CFDP1: variants seen among roughly 807,000 people sequenced by gnomAD.
The protein encoded by CFDP1 is heterochromatin-stabilizing protein CFDP1.
A neutral mutation model predicts 40.1 loss-of-function variants in CFDP1; 31 were observed. That is an observed-to-expected ratio of 0.77 (90% CI 0.58 to 1.04). CFDP1 has a LOEUF of 1.04. Ranked by LOEUF, CFDP1 falls within the 50% of genes least tolerant of loss-of-function variation. The probability of loss-of-function intolerance (pLI) is 0.00; values close to 1 mark genes in which losing one functional copy is unlikely to be tolerated. For missense variants in CFDP1, 423 were observed against 343.4 expected (o/e 1.23, Z -1.83); for synonymous variants, 167 against 120.0 (o/e 1.39, Z -2.56).
intron 4 of CFDP1, among the ~76,000 whole-genome samples, chr16:75,410,882 C>T (rs34898361): frequency 0.53 from 73,052 of 139,062 alleles, 19,825 homozygotes; most frequent in Admixed American, 0.65. Flanking sequence ...GCACTCCAGC[C>T]TGGGCGACAG....
chr16:75,385,665 C>T (rs2078891114), intron 5 of CFDP1, among the ~76,000 whole-genome samples: 1 of 152,170 alleles, frequency 6.6e-6, no homozygotes, highest in Non-Finnish European at 1.5e-5. Flanking sequence ...CTTAAGAATG[C>T]TGCTTAATGC....
chr16:75,353,748 C>CAA (rs3975152), intron 5 of CFDP1, among the ~76,000 whole-genome samples: 4 of 72,338 alleles, frequency 5.5e-5, no homozygotes, highest in East Asian at 1.1e-3. Flanking sequence ...AAGTCCGTCT[C>CAA]AAAAAAAAAA....
intron 5 of CFDP1, among the ~76,000 whole-genome samples, chr16:75,384,544 A>C (rs886940107): frequency 7.9e-5 from 12 of 152,194 alleles, no homozygotes; most frequent in African/African-American, 2.9e-4. Flanking sequence ...ATTTAGCAGC[A>C]GCTATTAGAA....
chr16:75,399,626 G>A (rs1192064480), intron 4 of CFDP1, among the ~76,000 whole-genome samples: 1 of 152,048 alleles, frequency 6.6e-6, no homozygotes, highest in Admixed American at 6.5e-5. Context: ...TGGTCCTCCT[G>A]CCTTGGCCTC....
chr16:75,381,360 G>T (rs1487434432), intron 5 of CFDP1: 1 of 152,062 alleles, frequency 6.6e-6, no homozygotes, highest in Non-Finnish European at 1.5e-5. Context: ...CAGAAAAAAG[G>T]CAATGAGAGT....
At chr16:75,310,730 G>C (rs1174341242) in intron 5 of CFDP1, among the ~76,000 whole-genome samples, 1 of 152,146 alleles carries the variant, frequency 6.6e-6, no homozygotes, top group African/African-American at 2.4e-5. Context: ...CCTGCTGTTT[G>C]TTTAAAAGAG....
intron 4 of CFDP1, among the ~76,000 whole-genome samples, chr16:75,407,446 G>A (rs2079110431): frequency 6.6e-6 from 1 of 152,030 alleles, no homozygotes; most frequent in Admixed American, 6.5e-5. Context: ...GTGGGCCAAG[G>A]CAGCAGGATC....
intron 4 of CFDP1, among the ~76,000 whole-genome samples, chr16:75,405,134 T>C (rs1223757711): frequency 6.6e-6 from 1 of 152,150 alleles, no homozygotes; most frequent in African/African-American, 2.4e-5. Context: ...AAACAGAGTA[T>C]AAATTCAGTT....
chr16:75,311,560 A>G (rs183488193), intron 5 of CFDP1, among the ~76,000 whole-genome samples: 29 of 152,346 alleles, frequency 1.9e-4, no homozygotes, highest in Admixed American at 1.9e-3. Context: ...AAAGTGGACC[A>G]GCAAGGATAG....
At chr16:75,373,992 C>G (rs868612892) in intron 5 of CFDP1, among the ~76,000 whole-genome samples, 2 of 152,096 alleles carry the variant, frequency 1.3e-5, no homozygotes, top group African/African-American at 4.8e-5. Flanking sequence ...GTGGCTCACA[C>G]CTGTAATCCC....
chr16:75,302,248 CT>C (rs1020185647), intron 6 of CFDP1, among the ~76,000 whole-genome samples: 4 of 151,526 alleles, frequency 2.6e-5, no homozygotes, highest in African/African-American at 7.3e-5. Flanking sequence ...CCATTCCTTA[CT>C]TTTTTTTTAA....
chr16:75,304,878 G>C (rs1046262129), intron 6 of CFDP1, 146 bp downstream of exon 6: 1 of 859,568 alleles, frequency 1.2e-6, no homozygotes, highest in African/African-American at 1.7e-5. Context: ...CTGGAACAGA[G>C]ACTTACTGAC....
At chr16:75,370,037 T>C (rs2078740411) in intron 5 of CFDP1, among the ~76,000 whole-genome samples, 1 of 151,636 alleles carries the variant, frequency 6.6e-6, no homozygotes, top group Non-Finnish European at 1.5e-5. Context: ...GCTCTCAAAG[T>C]GTTGGGATTA....
chr16:75,384,188 C>T (rs2151551888), intron 5 of CFDP1, among the ~76,000 whole-genome samples: 1 of 152,164 alleles, frequency 6.6e-6, no homozygotes, highest in African/African-American at 2.4e-5. Flanking sequence ...GAAACCCCAT[C>T]TCTACTAAAA....
intron 5 of CFDP1, among the ~76,000 whole-genome samples, chr16:75,370,841 G>A (rs2078746327): frequency 6.6e-6 from 1 of 152,124 alleles, no homozygotes; most frequent in African/African-American, 2.4e-5. Flanking sequence ...CAGCCTGGGT[G>A]ACAGAGCAAG....
rs118150595 is a variant in CFDP1, at chr16:75,355,845, C to T, written c.650+39245G>A. Among the ~76,000 whole-genome samples, 986 of 152,320 alleles carry T rather than the reference C, an allele frequency of 6.5e-3. 8 individuals carry two copies. The highest frequency in any genetic ancestry group is 0.017 in the Middle Eastern group (5 of 294). On this transcript the variant is annotated intron_variant, in intron 5 of 6. Transcript: ENST00000283882. ...GTTTCCTGAGGCTTCCCCAGCTATGCGGAACTGAGAGTCAATTAAATCTCT... is the reference window on the plus strand; with the variant it reads ...GTTTCCTGAGGCTTCCCCAGCTATGTGGAACTGAGAGTCAATTAAATCTCT...
At chr16:75,410,908 CAAAAAAAAAAA>C (rs74355496) in intron 4 of CFDP1, among the ~76,000 whole-genome samples, 2 of 62,608 alleles carry the variant, frequency 3.2e-5, no homozygotes, top group Non-Finnish European at 6.0e-5. Flanking sequence ...GACTCTGTCT[CAAAAAAAAAAA>C]AAAAAAAGAA....
chr16:75,315,259 G>A (rs2078316898), intron 5 of CFDP1, among the ~76,000 whole-genome samples: 1 of 147,266 alleles, frequency 6.8e-6, no homozygotes, highest in Non-Finnish European at 1.5e-5. Flanking sequence ...TTGAGAACGG[G>A]AGGCGGAGGT....
chr16:75,410,271 T>C (rs540500085), intron 4 of CFDP1, among the ~76,000 whole-genome samples: 4 of 152,188 alleles, frequency 2.6e-5, no homozygotes, highest in Admixed American at 6.5e-5. Flanking sequence ...AAATTATTGA[T>C]TGGCACTTCC....
Sources: gnomAD v4.1 joint callset for allele counts (sites outside exome capture counted in the v4.1 genomes callset) on GRCh38, gnomAD v4.1.1 for gene constraint, MANE v1.5 for transcripts, NCBI Gene and HGNC (gene_info 2026-07-23, HGNC 2026-07-21) for gene names.